The following RNF166 variants were observed in gnomAD, a reference collection of about 807,000 sequenced individuals.
RNF166 encodes E3 ubiquitin-protein ligase RNF166.
RNF166 carries 19 observed loss-of-function variants against 29.4 expected under a neutral mutation model. The ratio of observed to expected loss-of-function variants is 0.65; its 90% confidence interval spans 0.45 to 0.95. RNF166 has a LOEUF of 0.95. Among genes scored for constraint, RNF166 ranks in the 40% least tolerant of loss-of-function variants. The pLI, the probability that RNF166 is intolerant of heterozygous loss-of-function variation, is 0.00. For missense variants in RNF166, 347 were observed against 322.1 expected, an observed-to-expected ratio of 1.08 and a Z score of -0.59; for synonymous variants, 171 against 134.5, an observed-to-expected ratio of 1.27 and a Z score of -1.88.
At position 88,697,807 on chromosome 16, in the gene RNF166, G is replaced by T. The variant is rs572885542; in HGVS notation, c.649-174C>A. 294 of 586,212 alleles carry T rather than the reference G, an allele frequency of 5.0e-4. 1 individual carries two copies. The highest frequency in any genetic ancestry group is 1.1e-3 in the East Asian group (37 of 34,296). 36.3% of individuals were successfully genotyped at this position (586,212 alleles called of 1,614,324 possible). A position where few individuals can be genotyped will look rare whatever the true frequency, so the allele number is the denominator to read the frequency against. ...CGGGGCCTGCACGGTCCTCTGGGGG[G>T]TGAGAAGGTGAAGGTGTGTCCATCA... On this transcript the variant is annotated intron_variant, in intron 5 of 5. Coordinates refer to ENST00000312838, the MANE Select transcript of RNF166 (RefSeq NM_178841.4).
intron 1 of RNF166, 102 bp downstream of exon 1, chr16:88,706,069 C>T: frequency 1.3e-6 from 1 of 771,948 alleles, no homozygotes; most frequent in Non-Finnish European, 1.6e-6. Flanking sequence ...CGAGTCCCCG[C>T]GCGCCCAGTC....
intron 2 of RNF166, 87 bp from the exon 3 acceptor site, chr16:88,699,819 C>T (rs771875137): frequency 1.3e-5 from 11 of 871,014 alleles, no homozygotes; most frequent in Non-Finnish European, 2.0e-5. Context: ...TGTCCAGGAC[C>T]AGAGAACTGT....
At chr16:88,704,368 G>C (rs115575859) in intron 1 of RNF166, 1 of 985,276 alleles carries the variant, frequency 1.0e-6, no homozygotes, top group Non-Finnish European at 1.2e-6. Flanking sequence ...CAGGACCCGC[G>C]GTGAGACTAG....
intron 5 of RNF166, 71 bp downstream of exon 5, chr16:88,698,431 G>A: frequency 8.0e-7 from 1 of 1,245,094 alleles, no homozygotes; most frequent in East Asian, 2.5e-5. Flanking sequence ...CCTGAGGCTG[G>A]CGAGGGGCCC....
In RNF166 at chr16:88,701,388, C is replaced by A. The variant is rs745641010; in HGVS notation, c.186G>T (p.Leu62=). The A allele has an allele frequency of 1.2e-5, 20 of 1,609,510 alleles. No homozygotes were observed. The highest frequency in any genetic ancestry group is 1.7e-5 in the Non-Finnish European group (20 of 1,178,680). Residue 62 remains leucine (L), a synonymous_variant, in exon 2 of 6, where the codon CTG becomes CTT. Transcript: ENST00000312838. ...GTGGGCACAGCGGGGATGGCACCTG[C>A]AGGCAGGGCTGGAGACACTCCCCGC... ...TFCGECLQPC[L]QVPSPLCPLC...
chr16:88,702,908 G>A (rs983424337), intron 1 of RNF166: 5 of 985,386 alleles, frequency 5.1e-6, no homozygotes, highest in East Asian at 2.3e-4. Context: ...TGGTCCACCT[G>A]GGGAGGCCTC....
intron 1 of RNF166, among the ~76,000 whole-genome samples, chr16:88,702,337 G>A (rs1247046397): frequency 6.6e-6 from 1 of 152,184 alleles, no homozygotes; most frequent in Non-Finnish European, 1.5e-5. Flanking sequence ...AACTGAGGCA[G>A]AGCCCCCCAG....
At chr16:88,703,327 C>T in intron 1 of RNF166, 1 of 985,458 alleles carries the variant, frequency 1.0e-6, no homozygotes, top group Non-Finnish European at 1.2e-6. Flanking sequence ...CTGCCAGAGA[C>T]CAGGCCGGGG....
intron 1 of RNF166, chr16:88,702,872 T>G: frequency 4.1e-6 from 4 of 985,472 alleles, no homozygotes; most frequent in Non-Finnish European, 4.8e-6. Flanking sequence ...ACTTCACCCG[T>G]TCACGGGAGG....
intron 3 of RNF166, 119 bp downstream of exon 3, chr16:88,699,500 CA>C: frequency 1.3e-6 from 1 of 755,578 alleles, no homozygotes; most frequent in Non-Finnish European, 2.1e-6. Context: ...TCCACTTCCC[CA>C]GAGTGGACCC....
chr16:88,702,651 C>T lies in RNF166; in HGVS notation c.156-1233G>A, dbSNP rs774046417. ...CCACCACTGGATTCCCACAGAGCCA[C>T]CACCTGGCTGGTGGCTCCCACATGA... On this transcript the variant is annotated intron_variant, in intron 1 of 5. Coordinates refer to ENST00000312838, the MANE Select transcript of RNF166 (RefSeq NM_178841.4). 2.4e-5 allele frequency: 23 copies of T among 970,598 alleles called. 1 individual carries two copies. In the Admixed American group the frequency reaches 3.1e-4, roughly 13 times the overall value. The allele number at this position is 970,598 out of a possible 1,614,324, so 60.1% of individuals were successfully genotyped here. A position where few individuals can be genotyped will look rare whatever the true frequency, so the allele number is the denominator to read the frequency against.
chr16:88,698,370 G>C (rs1469193994), intron 5 of RNF166, 132 bp downstream of exon 5: 7 of 778,488 alleles, frequency 9.0e-6, no homozygotes, highest in Middle Eastern at 2.2e-4. Flanking sequence ...GGGGGAATGT[G>C]GCCACCTGAA....
At position 88,697,172 on chromosome 16, in the gene RNF166, G is replaced by C. The variant is rs1055690327; in HGVS notation, c.*396C>G. The C allele has an allele frequency of 5.5e-6, 1 of 180,300 alleles. No homozygotes were observed. Among genetic ancestry groups the C allele is most frequent in the African/African-American group, 2.4e-5 (1 of 41,952 alleles). 11.2% of individuals were successfully genotyped at this position (180,300 alleles called of 1,614,324 possible). ...TGGAAGTGGGGCCGGGGCAGGGTCG[G>C]GCTGGGCAGGGCAGCAGCCTGGGTT... On this transcript the variant is annotated 3_prime_UTR_variant, in exon 6 of 6. Transcript: ENST00000312838.
chr16:88,700,329 G>T (rs892861449), intron 2 of RNF166, among the ~76,000 whole-genome samples: 1 of 152,208 alleles, frequency 6.6e-6, no homozygotes, highest in African/African-American at 2.4e-5. Flanking sequence ...CCAGATTAGA[G>T]AACGGAGCTG....
rs546331761 is a variant in RNF166 at position 88,706,358 on chromosome 16, C to G, written c.-33G>C. On this transcript the variant is annotated 5_prime_UTR_variant, in exon 1 of 6. Coordinates refer to ENST00000312838, the MANE Select transcript of RNF166 (RefSeq NM_178841.4). ...CCAGGCCCGCGCCGCCCGCCGCCCG[C>G]TGTCCTGGCCCGGGCCGGCCCGCTA... is the stretch of plus-strand genomic sequence containing the variant. 7 of 1,213,746 alleles carry G rather than the reference C, an allele frequency of 5.8e-6. No individual in the cohort carries two copies. The highest frequency in any genetic ancestry group is 3.2e-4 in the Middle Eastern group (1 of 3,094). 75.2% of individuals were successfully genotyped at this position (1,213,746 alleles called of 1,614,324 possible).
At chr16:88,702,349 C>G (rs190624980) in intron 1 of RNF166, among the ~76,000 whole-genome samples, 308 of 152,298 alleles carry the variant, frequency 2.0e-3, no homozygotes, top group Admixed American at 3.1e-3. Flanking sequence ...GCCCCCCAGT[C>G]CCAGGAAGGC....
At chr16:88,705,044 G>C (rs1162917324) in intron 1 of RNF166, among the ~76,000 whole-genome samples, 1 of 152,224 alleles carries the variant, frequency 6.6e-6, no homozygotes, top group Admixed American at 6.5e-5. Flanking sequence ...ACGGCTAAGT[G>C]AGATGGAGGA....
intron 2 of RNF166, chr16:88,699,934 CT>C: frequency 2.1e-6 from 1 of 475,316 alleles, no homozygotes; most frequent in South Asian, 3.1e-5. Flanking sequence ...AAGCAAGTCA[CT>C]GCAGGACAAT....
chr16:88,700,809 G>GC, intron 2 of RNF166: 1 of 1,045,254 alleles, frequency 9.6e-7, no homozygotes, highest in Non-Finnish European at 1.2e-6. Context: ...GTGTGGCAGT[G>GC]CCCATCAGCC....
Sources: allele counts gnomAD v4.1 joint callset (sites outside exome capture counted in the v4.1 genomes callset), GRCh38; gene constraint gnomAD v4.1.1; transcripts MANE v1.5; gene names NCBI Gene and HGNC (gene_info 2026-07-23, HGNC 2026-07-21).